Variants in SLCO1B1 observed in about 807,000 individuals in gnomAD.
The protein encoded by SLCO1B1 is OATP-2.
In SLCO1B1, 81 loss-of-function variants were observed where a neutral mutation model predicts 70.1. The observed-to-expected ratio is 1.16, with a 90% CI of 0.97 to 1.39. The LOEUF is 1.39. Among genes scored for constraint, SLCO1B1 ranks in the 40% most tolerant of loss-of-function variants. The probability of loss-of-function intolerance (pLI) is 0.00; values close to 1 mark genes in which losing one functional copy is unlikely to be tolerated. For synonymous variants in SLCO1B1, 283 were observed against 271.5 expected, an observed-to-expected ratio of 1.04 and a Z score of -0.42; for missense variants, 895 against 799.6, an observed-to-expected ratio of 1.12 and a Z score of -1.44.
intron 12 of SLCO1B1, among the ~76,000 whole-genome samples, chr12:21,219,382 G>C (rs964704056): frequency 2.0e-5 from 3 of 152,098 alleles, no homozygotes; most frequent in African/African-American, 4.8e-5. Context: ...CTGGTGTGAA[G>C]TATAGTTGAC....
At chr12:21,133,240 G>T (rs1232498176) in intron 1 of SLCO1B1, among the ~76,000 whole-genome samples, 1 of 152,022 alleles carries the variant, frequency 6.6e-6, no homozygotes, top group Non-Finnish European at 1.5e-5. Context: ...CTGTAGCCTT[G>T]TAGTATAGTT....
chr12:21,165,188 G>T (rs1940669132), intron 2 of SLCO1B1, among the ~76,000 whole-genome samples: 1 of 152,128 alleles, frequency 6.6e-6, no homozygotes, highest in African/African-American at 2.4e-5. Context: ...ATGATTGCAG[G>T]CAAGTAGAGA....
chr12:21,211,698 T>C (rs1941287846), intron 11 of SLCO1B1, among the ~76,000 whole-genome samples: 1 of 152,198 alleles, frequency 6.6e-6, no homozygotes, highest in Non-Finnish European at 1.5e-5. Flanking sequence ...TCCTGGACTC[T>C]TTTTGGTTGG....
At chr12:21,135,499 T>C (rs1458293466) in intron 1 of SLCO1B1, among the ~76,000 whole-genome samples, 2 of 152,218 alleles carry the variant, frequency 1.3e-5, no homozygotes, top group African/African-American at 4.8e-5. Context: ...AAGGACTTGC[T>C]TTATGAATCT....
chr12:21,213,527 C>G (rs1591823211), intron 11 of SLCO1B1, among the ~76,000 whole-genome samples: 2 of 143,364 alleles, frequency 1.4e-5, no homozygotes, highest in East Asian at 4.2e-4. Context: ...TTTGGTGAAT[C>G]TGACAATTAT....
intron 7 of SLCO1B1, among the ~76,000 whole-genome samples, chr12:21,196,565 T>A (rs898616431): frequency 6.6e-6 from 1 of 152,178 alleles, no homozygotes; most frequent in Non-Finnish European, 1.5e-5. Context: ...TGACCCTTTC[T>A]TGATTTTATT....
At chr12:21,233,459 T>G (rs979679491) in intron 14 of SLCO1B1, among the ~76,000 whole-genome samples, 20 of 151,520 alleles carry the variant, frequency 1.3e-4, no homozygotes, top group Admixed American at 1.1e-3. Flanking sequence ...GAATTCTCCC[T>G]AAAATCTTCT....
intron 7 of SLCO1B1, among the ~76,000 whole-genome samples, chr12:21,180,198 A>G (rs1176386351): frequency 2.0e-5 from 3 of 152,136 alleles, no homozygotes; most frequent in African/African-American, 4.8e-5. Context: ...TGTATTCCCT[A>G]TATTCCTCCT....
At chr12:21,162,771 AG>A (rs1178494003) in intron 2 of SLCO1B1, among the ~76,000 whole-genome samples, 1 of 152,210 alleles carries the variant, frequency 6.6e-6, no homozygotes, top group Non-Finnish European at 1.5e-5. Context: ...TAATGAAGAG[AG>A]TAACTTATGC....
chr12:21,190,071 A>G (rs1333221862), intron 7 of SLCO1B1, among the ~76,000 whole-genome samples: 3 of 152,192 alleles, frequency 2.0e-5, no homozygotes, highest in Admixed American at 2.0e-4. Context: ...TAGAAAGGTC[A>G]GAAGGCTCTG....
intron 14 of SLCO1B1, among the ~76,000 whole-genome samples, chr12:21,229,839 A>G (rs1401448596): frequency 6.6e-6 from 1 of 152,190 alleles, no homozygotes; most frequent in African/African-American, 2.4e-5. Flanking sequence ...TTTTCAATCT[A>G]TATACATTTC....
At chr12:21,197,405 C>T (rs927051322) in intron 8 of SLCO1B1, among the ~76,000 whole-genome samples, 1 of 152,000 alleles carries the variant, frequency 6.6e-6, no homozygotes, top group African/African-American at 2.4e-5. Context: ...TACTTTTTAG[C>T]AGGGAGAAAC....
chr12:21,141,520 GTT>G lies in SLCO1B1; in HGVS notation c.-53_-52del. On this transcript the variant is annotated 5_prime_UTR_variant, in exon 2 of 15. Transcript: ENST00000256958. ...ACTTTTTCTTCCTTAATAGGTGATT[GTT>G]TCAAACTGAGCATCAACAACAAAAA... is the stretch of plus-strand genomic sequence containing the variant. 9.6e-7 allele frequency: 1 copy of G among 1,041,972 alleles called. No homozygotes were observed. The highest frequency in any genetic ancestry group is 1.5e-6 in the Non-Finnish European group (1 of 664,058). The allele number at this position is 1,041,972 out of a possible 1,614,324, so 64.5% of individuals were successfully genotyped here.
intron 6 of SLCO1B1, 45 bp downstream of exon 6, chr12:21,178,767 T>G: frequency 6.4e-7 from 1 of 1,551,648 alleles, no homozygotes; most frequent in Non-Finnish European, 8.9e-7. Flanking sequence ...TTTCCCTTTG[T>G]CTACTTTTGA....
Position 21,172,683 on chromosome 12 carries a change from G to A in SLCO1B1, c.118G>A (p.Ala40Thr), listed in dbSNP as rs750457469. The change falls in exon 3 of 15, where the codon GCT (alanine) becomes ACT (threonine). Residue 40 changes from alanine (A) to threonine (T), a missense_variant. Coordinates refer to ENST00000256958, the MANE Select transcript of SLCO1B1 (RefSeq NM_006446.5). ...FLAALSLSFI[A>T]KTLGAIIMKS... The stretch of plus-strand genomic sequence containing the variant: ...GGCAGCTCTGTCACTCAGCTTTATT[G>A]CTAAGACACTAGGTGCAATTATTAT... 8 of 1,613,568 alleles carry A rather than the reference G, an allele frequency of 5.0e-6. No individual in the cohort carries two copies. Among genetic ancestry groups the A allele is most frequent in the Middle Eastern group, 1.6e-4 (1 of 6,078 alleles).
At chr12:21,145,009 C>T (rs1940362409) in intron 2 of SLCO1B1, among the ~76,000 whole-genome samples, 1 of 151,998 alleles carries the variant, frequency 6.6e-6, no homozygotes, top group Non-Finnish European at 1.5e-5. Flanking sequence ...GCAATCAAGC[C>T]AACATAATAA....
chr12:21,148,205 T>C (rs549064237), intron 2 of SLCO1B1, among the ~76,000 whole-genome samples: 1 of 152,328 alleles, frequency 6.6e-6, no homozygotes, highest in Admixed American at 6.5e-5. Flanking sequence ...AGGAGCTTTT[T>C]AGTTTAATTA....
At chr12:21,238,190 C>T (rs1040928228) in intron 14 of SLCO1B1, among the ~76,000 whole-genome samples, 2 of 152,060 alleles carry the variant, frequency 1.3e-5, no homozygotes, top group Non-Finnish European at 2.9e-5. Context: ...GATATATCCT[C>T]AAATTAGAGA....
intron 7 of SLCO1B1, among the ~76,000 whole-genome samples, chr12:21,179,475 G>A (rs951084911): frequency 6.6e-6 from 1 of 152,116 alleles, no homozygotes; most frequent in Non-Finnish European, 1.5e-5. Flanking sequence ...CCTGGTCCTA[G>A]CAGAGGGCTT....
Sources: allele counts gnomAD v4.1 joint callset (sites outside exome capture counted in the v4.1 genomes callset), GRCh38; gene constraint gnomAD v4.1.1; transcripts MANE v1.5; gene names NCBI Gene and HGNC (gene_info 2026-07-23, HGNC 2026-07-21).